RAB38: variants seen among roughly 807,000 people sequenced by gnomAD.
RAB38 encodes ras-related protein Rab-38.
RAB38 carries 15 observed loss-of-function variants against 18.4 expected under a neutral mutation model. The ratio of observed to expected loss-of-function variants is 0.82; its 90% CI spans 0.55 to 1.26. The LOEUF (loss-of-function observed/expected upper bound fraction) is 1.26, where lower values mean the gene tolerates loss of function less well. RAB38 is among the 50% of genes most tolerant of loss of function. The pLI is 0.00. For missense variants in RAB38, 294 were observed against 267.4 expected (o/e 1.10, Z -0.69); for synonymous variants, 101 against 104.4 (o/e 0.97, Z 0.20).
At chr11:88,102,380 T>C in the RAB38 span, among the ~76,000 whole-genome samples, 13 of 152,090 alleles carry the variant, frequency 8.5e-5, no homozygotes. Flanking sequence ...CACTTTGCAG[T>C]TCCAGATGAC....
chr11:87,962,035 A>C, the RAB38 span, among the ~76,000 whole-genome samples: 2 of 152,012 alleles, frequency 1.3e-5, no homozygotes, highest in Non-Finnish European at 1.5e-5. Flanking sequence ...CCTTATCTAT[A>C]ACAAAAAGCT....
the RAB38 span, among the ~76,000 whole-genome samples, chr11:88,081,411 A>G: frequency 0.013 from 1,987 of 152,044 alleles, 44 homozygotes; most frequent in Admixed American, 0.048. Flanking sequence ...AACTTAAAAC[A>G]ACAGAAATTT....
chr11:88,143,774 C>T (rs888280737), intron 2 of RAB38, among the ~76,000 whole-genome samples: 1 of 152,206 alleles, frequency 6.6e-6, no homozygotes, highest in Non-Finnish European at 1.5e-5. Context: ...ACATATGCAA[C>T]ACCCTGCCTT....
At chr11:87,876,727 T>A in the RAB38 span, among the ~76,000 whole-genome samples, 5 of 151,564 alleles carry the variant, frequency 3.3e-5, no homozygotes, top group Non-Finnish European at 5.9e-5. Flanking sequence ...TATGAAATTC[T>A]AGTGAGGCCT....
the RAB38 span, among the ~76,000 whole-genome samples, chr11:87,854,925 G>C: frequency 2.0e-5 from 3 of 152,048 alleles, no homozygotes; most frequent in African/African-American, 7.2e-5. Flanking sequence ...CTCCCGAGTA[G>C]CTGGGACTAC....
chr11:87,937,415 T>C, the RAB38 span, among the ~76,000 whole-genome samples: 464 of 149,192 alleles, frequency 3.1e-3, 2 homozygotes, highest in African/African-American at 0.01. Context: ...TAGATTGTTT[T>C]GTACTGTCTG....
intron 2 of RAB38, among the ~76,000 whole-genome samples, chr11:88,124,275 G>A (rs1942665386): frequency 1.3e-5 from 2 of 152,122 alleles, no homozygotes; most frequent in Admixed American, 1.3e-4. Flanking sequence ...TTGACAAATG[G>A]GATCTAGTTA....
At chr11:88,100,660 C>A in the RAB38 span, among the ~76,000 whole-genome samples, 1 of 151,926 alleles carries the variant, frequency 6.6e-6, no homozygotes, top group African/African-American at 2.4e-5. Flanking sequence ...TTGGAAAGTA[C>A]ATTTTATTGC....
the RAB38 span, among the ~76,000 whole-genome samples, chr11:87,866,291 T>G: frequency 1.3e-5 from 2 of 151,704 alleles, no homozygotes; most frequent in African/African-American, 4.8e-5. Context: ...TTTCTGGGCC[T>G]CTATATGTAC....
At chr11:87,896,829 T>C in the RAB38 span, among the ~76,000 whole-genome samples, 1 of 151,600 alleles carries the variant, frequency 6.6e-6, no homozygotes, top group African/African-American at 2.4e-5. Flanking sequence ...ATGTGTGAAG[T>C]GTGTAGAAAG....
the RAB38 span, among the ~76,000 whole-genome samples, chr11:87,953,674 A>C: frequency 1.2e-4 from 19 of 152,314 alleles, no homozygotes; most frequent in Admixed American, 2.6e-4. Context: ...CATGGTCTAC[A>C]TAGGGTTCAG....
At chr11:87,915,580 T>C in the RAB38 span, among the ~76,000 whole-genome samples, 1 of 152,146 alleles carries the variant, frequency 6.6e-6, no homozygotes, top group African/African-American at 2.4e-5. Context: ...TCCTCAGTTC[T>C]GGGAATTGCC....
At chr11:87,938,019 A>T in the RAB38 span, among the ~76,000 whole-genome samples, 2 of 152,136 alleles carry the variant, frequency 1.3e-5, no homozygotes, top group African/African-American at 4.8e-5. Context: ...AGTGACTTGA[A>T]TTGAAAACTG....
chr11:87,974,009 GA>G, the RAB38 span, among the ~76,000 whole-genome samples: 10 of 151,796 alleles, frequency 6.6e-5, no homozygotes, highest in African/African-American at 2.2e-4. Flanking sequence ...TATTCTGAAA[GA>G]AAAAACAAGC....
At chr11:87,976,119 A>T in the RAB38 span, among the ~76,000 whole-genome samples, 80,113 of 136,852 alleles carry the variant, frequency 0.59, 21,857 homozygotes, top group East Asian at 0.69. Context: ...TGTGCGTGTA[A>T]ATATATATAT....
the RAB38 span, among the ~76,000 whole-genome samples, chr11:88,018,287 G>C: frequency 6.6e-6 from 1 of 151,996 alleles, no homozygotes; most frequent in African/African-American, 2.4e-5. Context: ...CTTAAATTTA[G>C]TACTGCAGCA....
At chr11:87,964,250 C>T in the RAB38 span, among the ~76,000 whole-genome samples, 9,892 of 152,102 alleles carry the variant, frequency 0.065, 457 homozygotes, top group African/African-American at 0.099. Context: ...CCGTTGCATT[C>T]GTGATCAGTC....
the RAB38 span, among the ~76,000 whole-genome samples, chr11:87,872,890 G>A: frequency 6.6e-6 from 1 of 151,492 alleles, no homozygotes; most frequent in African/African-American, 2.4e-5. Context: ...CCAAGTTTTG[G>A]CAATTATGAA....
the RAB38 span, among the ~76,000 whole-genome samples, chr11:87,842,313 G>T: frequency 2.0e-5 from 3 of 152,106 alleles, no homozygotes; most frequent in East Asian, 5.8e-4. Context: ...AGAGACAAAA[G>T]GATAAAGAAG....
Sources: allele counts gnomAD v4.1 joint callset (sites outside exome capture counted in the v4.1 genomes callset), GRCh38; gene constraint gnomAD v4.1.1; transcripts MANE v1.5; gene names NCBI Gene and HGNC (gene_info 2026-07-23, HGNC 2026-07-21).